The following KCND3 variants were observed in gnomAD, a reference collection of about 807,000 sequenced individuals.
KCND3 encodes the protein A-type voltage-gated potassium channel KCND3.
In KCND3, 9 loss-of-function variants were observed where a neutral mutation model predicts 51.1. That is an observed-to-expected ratio of 0.18 (90% CI 0.11 to 0.31). The LOEUF is 0.31. KCND3 is among the 10% of genes least tolerant of loss of function. The pLI, the probability that KCND3 is intolerant of heterozygous loss-of-function variation, is 1.00. For missense variants in KCND3, 526 were observed against 903.8 expected, an observed-to-expected ratio of 0.58 and a Z score of 5.36; for synonymous variants, 349 against 368.0, an observed-to-expected ratio of 0.95 and a Z score of 0.59.
In KCND3 at chr1:111,953,699, G is replaced by A. The variant is rs575287217; in HGVS notation, c.1106+27922C>T. On this transcript the variant is annotated intron_variant, in intron 2 of 7. Coordinates refer to ENST00000302127, the MANE Select transcript of KCND3 (RefSeq NM_001378969.1). Reference sequence around the variant, plus strand: ...AAGTTCTCCAAAGAACTCTGAAAGTGTCCCTCAAGGGAGAAGGAGCCAGCT... The same window carrying A: ...AAGTTCTCCAAAGAACTCTGAAAGTATCCCTCAAGGGAGAAGGAGCCAGCT... Among the ~76,000 whole-genome samples the A allele has an allele frequency of 4.6e-5, 7 of 152,350 alleles. No individual in the cohort carries two copies. The East Asian group carries it at 7.7e-4, about 17-fold the overall frequency.
chr1:111,945,707 G>A (rs1466159527), intron 2 of KCND3, among the ~76,000 whole-genome samples: 1 of 152,224 alleles, frequency 6.6e-6, no homozygotes, highest in African/African-American at 2.4e-5. Context: ...GTCCCCAGCA[G>A]CTGGGTTTTC....
intron 2 of KCND3, among the ~76,000 whole-genome samples, chr1:111,927,918 G>A (rs768901869): frequency 3.9e-5 from 6 of 152,182 alleles, no homozygotes; most frequent in East Asian, 1.9e-4. Context: ...TGTCTGGGAC[G>A]TTCCTCTTCC....
At chr1:111,936,279 G>A (rs985028136) in intron 2 of KCND3, among the ~76,000 whole-genome samples, 9 of 152,152 alleles carry the variant, frequency 5.9e-5, no homozygotes, top group East Asian at 1.9e-4. Flanking sequence ...TCCCTGCAAC[G>A]TGCCAGCATT....
At chr1:111,891,695 T>G (rs1669828200) in intron 2 of KCND3, among the ~76,000 whole-genome samples, 1 of 152,258 alleles carries the variant, frequency 6.6e-6, no homozygotes, top group Non-Finnish European at 1.5e-5. Context: ...AACTAGTATG[T>G]AGATTCACTA....
At chr1:111,889,453 A>G (rs1669726835) in intron 2 of KCND3, among the ~76,000 whole-genome samples, 1 of 152,238 alleles carries the variant, frequency 6.6e-6, no homozygotes. Flanking sequence ...GTTCCTGTAG[A>G]GATCAGGAAG....
intron 2 of KCND3, among the ~76,000 whole-genome samples, chr1:111,883,548 G>A (rs1455201869): frequency 1.3e-5 from 2 of 152,168 alleles, no homozygotes. Flanking sequence ...ATTTAGATAG[G>A]TCCTATTATC....
intron 2 of KCND3, among the ~76,000 whole-genome samples, chr1:111,845,271 T>G (rs1667493846): frequency 6.6e-6 from 1 of 152,186 alleles, no homozygotes; most frequent in South Asian, 2.1e-4. Context: ...CTGGTTTTTC[T>G]CCTGCCTTTC....
At chr1:111,831,693 TCAAATGTGGATCCA>T (rs1267931590) in intron 2 of KCND3, among the ~76,000 whole-genome samples, 1 of 152,146 alleles carries the variant, frequency 6.6e-6, no homozygotes, top group Non-Finnish European at 1.5e-5. Context: ...TTAAATGTTC[TCAAATGTGGATCCA>T]CAGATCTATA....
chr1:111,775,819 A>AACCCCCCCCCCCCCCCC lies in KCND3; in HGVS notation c.*257_*258insGGGGGGGGGGGGGGGGT. ...GCCTATATCCCCCGGCCTATCCCCG[A>AACCCCCCCCCCCCCCCC]CCCCCCCACCCTCCCTCCCTTCCTC... is the stretch of plus-strand genomic sequence containing the variant. On this transcript the variant is annotated 3_prime_UTR_variant, in exon 8 of 8. Transcript: ENST00000302127. The AACCCCCCCCCCCCCCCC allele has an allele frequency of 8.2e-5, 8 of 97,704 alleles. No individual in the cohort carries two copies. The highest frequency in any genetic ancestry group is 3.8e-4 in the South Asian group (2 of 5,202). 6.1% of individuals were successfully genotyped at this position (97,704 alleles called of 1,614,324 possible). A position where few individuals can be genotyped will look rare whatever the true frequency, so the allele number is the denominator to read the frequency against.
chr1:111,889,919 A>G (rs1251881006), intron 2 of KCND3, among the ~76,000 whole-genome samples: 1 of 152,142 alleles, frequency 6.6e-6, no homozygotes, highest in African/African-American at 2.4e-5. Context: ...TGTGAATTTC[A>G]GGCAGTGGGA....
At chr1:111,785,891 G>A (rs1664582598) in intron 3 of KCND3, among the ~76,000 whole-genome samples, 1 of 152,176 alleles carries the variant, frequency 6.6e-6, no homozygotes, top group Non-Finnish European at 1.5e-5. Context: ...CGACCACATA[G>A]TACGTGCTCA....
intron 2 of KCND3, among the ~76,000 whole-genome samples, chr1:111,966,489 C>T (rs891856800): frequency 6.6e-6 from 1 of 152,122 alleles, no homozygotes; most frequent in African/African-American, 2.4e-5. Context: ...CCATAACCCA[C>T]CCATTCATGC....
chr1:111,892,379 A>G (rs1669873094), intron 2 of KCND3, among the ~76,000 whole-genome samples: 1 of 152,194 alleles, frequency 6.6e-6, no homozygotes, highest in Non-Finnish European at 1.5e-5. Context: ...CCAGCTCTCC[A>G]ATGTGTGAGT....
At chr1:111,979,811 C>A (rs1165249585) in intron 2 of KCND3, among the ~76,000 whole-genome samples, 1 of 152,146 alleles carries the variant, frequency 6.6e-6, no homozygotes, top group East Asian at 1.9e-4. Context: ...CAATCATATG[C>A]TGTTATACTA....
chr1:111,942,959 A>C (rs1672595289), intron 2 of KCND3, among the ~76,000 whole-genome samples: 1 of 152,208 alleles, frequency 6.6e-6, no homozygotes, highest in African/African-American at 2.4e-5. Flanking sequence ...TCCTGGATGA[A>C]GAACCGAAGC....
intron 1 of KCND3, among the ~76,000 whole-genome samples, chr1:111,984,455 A>G (rs1222278346): frequency 6.6e-6 from 1 of 152,174 alleles, no homozygotes; most frequent in Non-Finnish European, 1.5e-5. Flanking sequence ...ATAATAGGCA[A>G]TAGTTCTTAC....
chr1:111,909,769 C>G (rs1397715354), intron 2 of KCND3: 2 of 152,200 alleles, frequency 1.3e-5, no homozygotes, highest in African/African-American at 4.8e-5. Flanking sequence ...TGTGTGGTCT[C>G]TCTCCGATTA....
At chr1:111,972,924 T>C (rs1392599833) in intron 2 of KCND3, among the ~76,000 whole-genome samples, 6 of 152,254 alleles carry the variant, frequency 3.9e-5, no homozygotes, top group African/African-American at 1.4e-4. Context: ...TCTTTTCTGC[T>C]TAAGTATGCG....
At chr1:111,958,523 G>A (rs146320134) in intron 2 of KCND3, among the ~76,000 whole-genome samples, 46 of 152,336 alleles carry the variant, frequency 3.0e-4, no homozygotes, top group African/African-American at 1.1e-3. Context: ...AGCAGGAAGC[G>A]GCTAGAAACA....
Sources: gnomAD v4.1 joint callset for allele counts (sites outside exome capture counted in the v4.1 genomes callset) on GRCh38, gnomAD v4.1.1 for gene constraint, MANE v1.5 for transcripts, NCBI Gene and HGNC (gene_info 2026-07-23, HGNC 2026-07-21) for gene names.